The following ALDH1A3 variants were observed in gnomAD, a reference collection of about 807,000 sequenced individuals.
ALDH1A3 encodes aldehyde dehydrogenase 1 family member A3.
Under a neutral mutation model 57.5 loss-of-function variants are expected in ALDH1A3, and 28 were observed. The ratio of observed to expected loss-of-function variants is 0.49; its 90% CI spans 0.36 to 0.67. The LOEUF (loss-of-function observed/expected upper bound fraction) is 0.67, where lower values mean the gene tolerates loss of function less well. ALDH1A3 is among the 30% of genes least tolerant of loss of function. The pLI, the probability that ALDH1A3 is intolerant of heterozygous loss-of-function variation, is 0.00. For missense variants in ALDH1A3, 507 were observed against 669.4 expected, an observed-to-expected ratio of 0.76 and a Z score of 2.68; for synonymous variants, 281 against 264.8, an observed-to-expected ratio of 1.06 and a Z score of -0.59.
At chr15:100,880,438 T>C (rs974096899) in intron 1 of ALDH1A3, 1 of 361,004 alleles carries the variant, frequency 2.8e-6, no homozygotes, top group Non-Finnish European at 4.9e-6. Flanking sequence ...GGTCGGAGGG[T>C]CCGAGAGCGC....
chr15:100,907,844 C>CTTTCTT (rs2041838523), intron 11 of ALDH1A3, among the ~76,000 whole-genome samples: 1 of 81,910 alleles, frequency 1.2e-5, no homozygotes, highest in Non-Finnish European at 2.1e-5. Context: ...TTCTTTCTTT[C>CTTTCTT]TTTTTTTTTT....
Position 100,912,933 on chromosome 15 carries a change from C to A in ALDH1A3, c.1467-1768C>A, listed in dbSNP as rs1276412298. Among the ~76,000 whole-genome samples the A allele has an allele frequency of 6.7e-5, 2 of 29,744 alleles. 1 individual carries two copies. The highest frequency in any genetic ancestry group is 1.5e-4 in the Non-Finnish European group (2 of 13,272). 19.5% of individuals were successfully genotyped at this position (29,744 alleles called of 152,430 possible). A position where few individuals can be genotyped will look rare whatever the true frequency, so the allele number is the denominator to read the frequency against. ...CAGCACTTTGGGAGGCCGAGGCGGG[C>A]GGATCACGAGGTCAGGAGATCGAGA... On this transcript the variant is annotated intron_variant, in intron 12 of 12. Transcript: ENST00000329841.
chr15:100,907,296 G>A lies in ALDH1A3; in HGVS notation c.1391+18G>A. The stretch of plus-strand genomic sequence containing the variant: ...ACGGTCTGGTGAGTTGACTGTGTGT[G>A]TATTTCAGCTCTCCTGAGTTGCTTC... On this transcript the variant is annotated intron_variant, in intron 11 of 12. Transcript: ENST00000329841. 6.2e-7 allele frequency: 1 copy of A among 1,608,074 alleles called. No homozygotes were observed. The highest frequency in any genetic ancestry group is 8.5e-7 in the Non-Finnish European group (1 of 1,177,636).
At chr15:100,891,342 A>G (rs2041647470) in intron 3 of ALDH1A3, among the ~76,000 whole-genome samples, 1 of 152,208 alleles carries the variant, frequency 6.6e-6, no homozygotes. Flanking sequence ...CTCCTATTTA[A>G]AGGGGGCTTG....
chr15:100,912,271 G>T (rs2041889074), intron 12 of ALDH1A3, among the ~76,000 whole-genome samples: 1 of 152,124 alleles, frequency 6.6e-6, no homozygotes, highest in African/African-American at 2.4e-5. Flanking sequence ...CACTGTTTTG[G>T]TTACATTTCT....
intron 1 of ALDH1A3, among the ~76,000 whole-genome samples, chr15:100,883,803 A>G (rs1166734004): frequency 2.0e-5 from 3 of 152,334 alleles, no homozygotes; most frequent in East Asian, 3.9e-4. Context: ...GAGTTTATAC[A>G]GGAAGCCCAA....
Position 100,907,117 on chromosome 15 carries a change from A to C in ALDH1A3, c.1234-4A>C, listed in dbSNP as rs1447220392. 1 of 1,611,826 alleles carries C rather than the reference A, an allele frequency of 6.2e-7. No individual in the cohort carries two copies. Among genetic ancestry groups the C allele is most frequent in the Non-Finnish European group, 8.5e-7 (1 of 1,178,714 alleles). On this transcript the variant is annotated splice_polypyrimidine_tract_variant and splice_region_variant and intron_variant, in intron 10 of 12. Transcript: ENST00000329841. ...CTCATTGCCATTCTTGCAATTAATC[A>C]TAGATTTTCGGGCCAGTGCAACCAA...
rs1329950665 is a variant in ALDH1A3 at position 100,915,490 on chromosome 15, T to G, written c.*717T>G. 2 of 152,194 alleles carry G rather than the reference T, an allele frequency of 1.3e-5. No homozygotes were observed. Among genetic ancestry groups the G allele is most frequent in the African/African-American group, 4.8e-5 (2 of 41,442 alleles). The allele number at this position is 152,194 out of a possible 1,614,324, so 9.4% of individuals were successfully genotyped here. ...AGCTTAGTCAAAGACGATATCACGG[T>G]CTACCTTAACCAAGGCACTTTCTTA... On this transcript the variant is annotated 3_prime_UTR_variant, in exon 13 of 13. Coordinates refer to ENST00000329841, the MANE Select transcript of ALDH1A3 (RefSeq NM_000693.4).
At chr15:100,903,063 T>C (rs2041786155) in intron 9 of ALDH1A3, among the ~76,000 whole-genome samples, 1 of 152,194 alleles carries the variant, frequency 6.6e-6, no homozygotes, top group African/African-American at 2.4e-5. Context: ...AAAGCTGTTT[T>C]TGTTACTTTT....
chr15:100,905,663 C>A lies in ALDH1A3; in HGVS notation c.1209C>A (p.Asp403Glu). 1 of 1,594,710 alleles carries A rather than the reference C, an allele frequency of 6.3e-7. No individual in the cohort carries two copies. The highest frequency in any genetic ancestry group is 1.1e-5 in the South Asian group (1 of 88,120). ...IKPTVFSEVT[D>E]NMRIAKEEIF... ...CCACTGTCTTCTCAGAAGTCACAGA[C>A]AACATGCGGATTGCCAAAGAGGAGG... The change falls in exon 10 of 13, where the codon GAC (aspartate) becomes GAA (glutamate). Residue 403 changes from aspartate (D) to glutamate (E), a missense_variant. Coordinates refer to ENST00000329841, the MANE Select transcript of ALDH1A3 (RefSeq NM_000693.4).
chr15:100,903,394 C>A (rs2041790792), intron 9 of ALDH1A3, among the ~76,000 whole-genome samples: 1 of 152,166 alleles, frequency 6.6e-6, no homozygotes, highest in South Asian at 2.1e-4. Flanking sequence ...CTGCCTGATT[C>A]TTTTTCACAT....
Position 100,885,258 on chromosome 15 carries a change from C to A in ALDH1A3, c.100-9C>A. 1 of 1,594,106 alleles carries A rather than the reference C, an allele frequency of 6.3e-7. No homozygotes were observed. Among genetic ancestry groups the A allele is most frequent in the Non-Finnish European group, 8.6e-7 (1 of 1,161,894 alleles). ...AAACCTAATTGGTTACACTTCCTTTCCTGGTTAGATATTTATCAACAATGA... is the reference window on the plus strand; with the variant it reads ...AAACCTAATTGGTTACACTTCCTTTACTGGTTAGATATTTATCAACAATGA... On this transcript the variant is annotated splice_polypyrimidine_tract_variant and intron_variant, in intron 1 of 12. Coordinates refer to ENST00000329841, the MANE Select transcript of ALDH1A3 (RefSeq NM_000693.4).
rs1389856448 is a variant in ALDH1A3, at chr15:100,894,122, A to G, written c.666+40A>G. The G allele has an allele frequency of 6.2e-7, 1 of 1,607,806 alleles. No individual in the cohort carries two copies. Among genetic ancestry groups the G allele is most frequent in the Non-Finnish European group, 8.5e-7 (1 of 1,176,662 alleles). ...AAGAAAATATCACATGTTCTTGGTAACATTCCCACTCCTAGGAACCAGGCC... is the reference window on the plus strand; with the variant it reads ...AAGAAAATATCACATGTTCTTGGTAGCATTCCCACTCCTAGGAACCAGGCC... On this transcript the variant is annotated intron_variant, in intron 6 of 12. Transcript: ENST00000329841. The surrounding 1 kb of genome is among the most constrained non-coding windows in gnomAD (Gnocchi z 4.5).
At chr15:100,883,865 T>C (rs910591815) in intron 1 of ALDH1A3, among the ~76,000 whole-genome samples, 3 of 152,192 alleles carry the variant, frequency 2.0e-5, no homozygotes, top group African/African-American at 7.2e-5. Flanking sequence ...CCCTCTCTCA[T>C]CTGTCATCAC....
At chr15:100,896,797 TACA>T (rs1879660782) in intron 7 of ALDH1A3, among the ~76,000 whole-genome samples, 1 of 152,232 alleles carries the variant, frequency 6.6e-6, no homozygotes, top group Non-Finnish European at 1.5e-5. Flanking sequence ...TTACAGCCGT[TACA>T]ACAAGGAAAG....
chr15:100,888,233 G>A (rs1004800358), intron 3 of ALDH1A3, among the ~76,000 whole-genome samples: 13 of 151,998 alleles, frequency 8.6e-5, no homozygotes, highest in Non-Finnish European at 4.4e-5. Flanking sequence ...TGAGTAGCTG[G>A]GACTACAGGT....
At chr15:100,882,878 T>G (rs1257041544) in intron 1 of ALDH1A3, among the ~76,000 whole-genome samples, 1 of 152,158 alleles carries the variant, frequency 6.6e-6, no homozygotes, top group African/African-American at 2.4e-5. Flanking sequence ...GAGAGAAAAA[T>G]CAACAGTAGA....
chr15:100,900,717 C>A lies in ALDH1A3; in HGVS notation c.1026C>A (p.Pro342=). ...GCGTGGAGTATGCCAAGAAACGGCCCGTGGGAGACCCCTTCGATGTCAAAA... is the reference window on the plus strand; with the variant it reads ...GCGTGGAGTATGCCAAGAAACGGCCAGTGGGAGACCCCTTCGATGTCAAAA... ...RRSVEYAKKR[P]VGDPFDVKTE... Residue 342 remains proline (P), a synonymous_variant, in exon 9 of 13, where the codon CCC becomes CCA. Transcript: ENST00000329841. 6.2e-7 allele frequency: 1 copy of A among 1,614,066 alleles called. No homozygotes were observed. Among genetic ancestry groups the A allele is most frequent in the Non-Finnish European group, 8.5e-7 (1 of 1,180,012 alleles).
intron 1 of ALDH1A3, chr15:100,880,647 C>T (rs2041538920): frequency 6.3e-6 from 1 of 157,986 alleles, no homozygotes; most frequent in Non-Finnish European, 1.4e-5. Flanking sequence ...ACACACAAGG[C>T]GCGCGCTCCG....
Sources: allele counts gnomAD v4.1 joint callset (sites outside exome capture counted in the v4.1 genomes callset), GRCh38; gene constraint gnomAD v4.1.1; non-coding constraint Gnocchi (gnomAD v3.1); transcripts MANE v1.5; gene names NCBI Gene and HGNC (gene_info 2026-07-23, HGNC 2026-07-21).